JAKMIP1: variants seen among roughly 807,000 people sequenced by gnomAD.
JAKMIP1 encodes janus kinase and microtubule interacting protein 1, also known as janus kinase and microtubule-interacting protein 1.
In JAKMIP1, 33 loss-of-function variants were observed where a neutral mutation model predicts 113.0. The observed-to-expected ratio is 0.29, with a 90% CI of 0.22 to 0.39. JAKMIP1 has a LOEUF of 0.39. JAKMIP1 is among the 10% of genes least tolerant of loss of function. JAKMIP1 has a pLI of 1.00. For missense variants in JAKMIP1, 813 were observed against 1,080.5 expected, an observed-to-expected ratio of 0.75 and a Z score of 3.47; for synonymous variants, 480 against 459.9, an observed-to-expected ratio of 1.04 and a Z score of -0.56.
At position 6,162,813 on chromosome 4, in the gene JAKMIP1, G is replaced by T. The variant is rs1280526532; in HGVS notation, c.-148+37440C>A. 6.6e-6 allele frequency among the ~76,000 whole-genome samples: 1 copy of T among 152,154 alleles called. No homozygotes were observed. The highest frequency in any genetic ancestry group is 1.5e-5 in the Non-Finnish European group (1 of 68,032). On this transcript the variant is annotated intron_variant, in intron 1 of 20. Coordinates refer to ENST00000409021, the MANE Select transcript of JAKMIP1 (RefSeq NM_001099433.2). The surrounding 1 kb of genome is among the most constrained non-coding windows in gnomAD (Gnocchi z 5.6). Reference sequence around the variant, plus strand: ...CCAAGTGTTCCCCATTCCAAAGCCTGGGTCCCTAACCATCAAGGACTCTCT... The same window carrying T: ...CCAAGTGTTCCCCATTCCAAAGCCTTGGTCCCTAACCATCAAGGACTCTCT...
intron 3 of JAKMIP1, among the ~76,000 whole-genome samples, chr4:6,090,338 G>C (rs1721874736): frequency 6.6e-6 from 1 of 152,198 alleles, no homozygotes; most frequent in Non-Finnish European, 1.5e-5. Flanking sequence ...AGGACTGCCG[G>C]CCACACCAGA....
intron 1 of JAKMIP1, among the ~76,000 whole-genome samples, chr4:6,121,534 A>ACCTGT: frequency 6.6e-6 from 1 of 152,232 alleles, no homozygotes; most frequent in African/African-American, 2.4e-5. Flanking sequence ...CTGCACGACT[A>ACCTGT]AATCCCGTGA....
chr4:6,149,305 C>T (rs1721267112), intron 1 of JAKMIP1, among the ~76,000 whole-genome samples: 1 of 152,182 alleles, frequency 6.6e-6, no homozygotes, highest in Non-Finnish European at 1.5e-5. Context: ...TGTTTACTCT[C>T]CCCACAGGCC....
chr4:6,149,779 G>A (rs780322440), intron 1 of JAKMIP1, among the ~76,000 whole-genome samples: 1 of 152,082 alleles, frequency 6.6e-6, no homozygotes, highest in Non-Finnish European at 1.5e-5. Context: ...CTACCGGGCT[G>A]GGGAAGATGA....
intron 1 of JAKMIP1, among the ~76,000 whole-genome samples, chr4:6,175,365 G>T (rs1725229499): frequency 1.3e-5 from 2 of 152,222 alleles, no homozygotes; most frequent in South Asian, 4.1e-4. Flanking sequence ...CATTCACGCT[G>T]CCTCTGGACA....
At chr4:6,085,697 G>T in intron 3 of JAKMIP1, 68 bp from the exon 4 acceptor site, 1 of 1,465,542 alleles carries the variant, frequency 6.8e-7, no homozygotes. Context: ...TCCCCAAATT[G>T]GGGCCTTCGG....
In JAKMIP1 at chr4:6,108,921, C is replaced by T. The variant is rs150316654; in HGVS notation, c.130-2954G>A. Among the ~76,000 whole-genome samples, 214 of 152,310 alleles carry T rather than the reference C, an allele frequency of 1.4e-3. 1 individual carries two copies. Among genetic ancestry groups the T allele is most frequent in the Middle Eastern group, 0.01 (3 of 294 alleles). ...AAATATTTACAGGTATGCGTACATA[C>T]GCAGGTCAGTATACACATATATATT... On this transcript the variant is annotated intron_variant, in intron 2 of 20. Coordinates refer to ENST00000409021, the MANE Select transcript of JAKMIP1 (RefSeq NM_001099433.2). The surrounding 1 kb of genome is among the most constrained non-coding windows in gnomAD (Gnocchi z 5.6).
chr4:6,081,484 TG>T lies in JAKMIP1; in HGVS notation c.1101+124del. ...AGACATCTGTGACTGACACTGTGCC[TG>T]GTGCTTTGTGGGGAGGTGGGCAGCA... On this transcript the variant is annotated intron_variant, in intron 6 of 20. Coordinates refer to ENST00000409021, the MANE Select transcript of JAKMIP1 (RefSeq NM_001099433.2). The surrounding 1 kb of genome is among the most constrained non-coding windows in gnomAD (Gnocchi z 4.6). The T allele has an allele frequency of 2.0e-6, 2 of 1,006,996 alleles. No individual in the cohort carries two copies. The highest frequency in any genetic ancestry group is 3.0e-6 in the Non-Finnish European group (2 of 666,120). 62.4% of individuals were successfully genotyped at this position (1,006,996 alleles called of 1,614,324 possible). A position where few individuals can be genotyped will look rare whatever the true frequency, so the allele number is the denominator to read the frequency against.
chr4:6,050,745 C>G lies in JAKMIP1; in HGVS notation c.1807-66G>C, dbSNP rs1468492383. 2 of 1,308,062 alleles carry G rather than the reference C, an allele frequency of 1.5e-6. No individual in the cohort carries two copies. The highest frequency in any genetic ancestry group is 2.2e-6 in the Non-Finnish European group (2 of 929,452). The allele number at this position is 1,308,062 out of a possible 1,614,324, so 81.0% of individuals were successfully genotyped here. The stretch of plus-strand genomic sequence containing the variant: ...TTATTTACCACTTGCCATTTTCCCA[C>G]GTTACTCAGCAAAAACCAAGGAATT... On this transcript the variant is annotated intron_variant, in intron 13 of 20. Transcript: ENST00000409021. The surrounding 1 kb of genome is among the most constrained non-coding windows in gnomAD (Gnocchi z 7.4).
At chr4:6,105,208 C>T (rs1713697950) in intron 3 of JAKMIP1, among the ~76,000 whole-genome samples, 1 of 152,254 alleles carries the variant, frequency 6.6e-6, no homozygotes, top group Admixed American at 6.5e-5. Flanking sequence ...ATGCCCGACA[C>T]TTAGATACGC....
At chr4:6,066,908 C>A (rs1366290037) in intron 8 of JAKMIP1, among the ~76,000 whole-genome samples, 2 of 152,178 alleles carry the variant, frequency 1.3e-5, no homozygotes, top group Admixed American at 6.5e-5. Context: ...GGCTTCTGCA[C>A]CCCACACACA....
chr4:6,066,493 C>T (rs1718097841), intron 8 of JAKMIP1, among the ~76,000 whole-genome samples: 1 of 152,160 alleles, frequency 6.6e-6, no homozygotes, highest in South Asian at 2.1e-4. Context: ...CCCCGAACTC[C>T]AGACTCATAC....
At position 6,129,138 on chromosome 4, in the gene JAKMIP1, G is replaced by A. The variant is rs774226480; in HGVS notation, c.-147-16141C>T. Among the ~76,000 whole-genome samples the A allele has an allele frequency of 3.3e-5, 5 of 152,208 alleles. No homozygotes were observed. Among genetic ancestry groups the A allele is most frequent in the East Asian group, 1.9e-4 (1 of 5,190 alleles). On this transcript the variant is annotated intron_variant, in intron 1 of 20. Coordinates refer to ENST00000409021, the MANE Select transcript of JAKMIP1 (RefSeq NM_001099433.2). The surrounding 1 kb of genome is among the most constrained non-coding windows in gnomAD (Gnocchi z 5.4). Reference sequence around the variant, plus strand: ...ACATCACACACCCCACTTTCACTCCGCACTGTGGGGTGTCTTCACATCTAC... The same window carrying A: ...ACATCACACACCCCACTTTCACTCCACACTGTGGGGTGTCTTCACATCTAC...
At chr4:6,041,101 C>T (rs1035098771) in intron 17 of JAKMIP1, among the ~76,000 whole-genome samples, 9 of 152,164 alleles carry the variant, frequency 5.9e-5, no homozygotes, top group Non-Finnish European at 1.2e-4. Flanking sequence ...GCTCTTCCTT[C>T]CTGCCTGAAT....
At chr4:6,071,645 T>C (rs1275119445) in intron 8 of JAKMIP1, among the ~76,000 whole-genome samples, 5 of 152,212 alleles carry the variant, frequency 3.3e-5, no homozygotes, top group Admixed American at 3.3e-4. Context: ...CTGGACAAGG[T>C]ACCCAGTCGG....
chr4:6,085,398 G>A, intron 4 of JAKMIP1, 22 bp downstream of exon 4: 1 of 1,607,424 alleles, frequency 6.2e-7, no homozygotes, highest in Non-Finnish European at 8.5e-7. Flanking sequence ...GCCTGAGGCT[G>A]GCACAAGCTG....
rs1044877358 is a variant in JAKMIP1, at chr4:6,156,971, A to T, written c.-148+43282T>A. ...CCCTCAAAGTTCACTGTTAATCCCC[A>T]ATGCACCAGTGTAAAGAGGGGGGAC... On this transcript the variant is annotated intron_variant, in intron 1 of 20. Transcript: ENST00000409021. This position sits in a 1 kb window ranked among gnomAD's most constrained non-coding sequence, Gnocchi z 5.0. Among the ~76,000 whole-genome samples the T allele has an allele frequency of 6.6e-6, 1 of 152,170 alleles. No homozygotes were observed.
At chr4:6,126,371 G>GCACAAACACATACCATGCAGAAACACTCA (rs1717615941) in intron 1 of JAKMIP1, among the ~76,000 whole-genome samples, 1 of 117,484 alleles carries the variant, frequency 8.5e-6, no homozygotes, top group Admixed American at 9.0e-5. Flanking sequence ...ACACACACAT[G>GCACAAACACATACCATGCAGAAACACTCA]CACAAACACA....
rs770112886 is a variant in JAKMIP1, at chr4:6,155,379, A to T, written c.-147-42382T>A. ...TCCAAGCACTTTATATTTAACCCTC[A>T]AGAGAACCCTAAAACATAGGTATTC... On this transcript the variant is annotated intron_variant, in intron 1 of 20. Transcript: ENST00000409021. The surrounding 1 kb of genome is among the most constrained non-coding windows in gnomAD (Gnocchi z 6.1). Among the ~76,000 whole-genome samples the T allele has an allele frequency of 6.6e-6, 1 of 152,168 alleles. No individual in the cohort carries two copies. The highest frequency in any genetic ancestry group is 2.4e-5 in the African/African-American group (1 of 41,442).
Sources: gnomAD v4.1 joint callset for allele counts (sites outside exome capture counted in the v4.1 genomes callset) on GRCh38, gnomAD v4.1.1 for gene constraint, Gnocchi (gnomAD v3.1) non-coding constraint, MANE v1.5 for transcripts, NCBI Gene and HGNC (gene_info 2026-07-23, HGNC 2026-07-21) for gene names.